TRPS1: variants seen among roughly 807,000 people sequenced by gnomAD.
The protein encoded by TRPS1 is transcriptional repressor GATA binding 1.
TRPS1 carries 6 observed loss-of-function variants against 101.2 expected under a neutral mutation model. The ratio of observed to expected loss-of-function variants is 0.06; its 90% CI spans 0.03 to 0.12. The LOEUF is 0.12. TRPS1 is among the 10% of genes least tolerant of loss of function. The pLI, the probability that TRPS1 is intolerant of heterozygous loss-of-function variation, is 1.00. For synonymous variants in TRPS1, 578 were observed against 589.8 expected (o/e 0.98, Z 0.29); for missense variants, 1,363 against 1,567.0 (o/e 0.87, Z 2.20).
chr8:115,460,515 G>T (rs899934740), intron 5 of TRPS1, among the ~76,000 whole-genome samples: 49 of 151,738 alleles, frequency 3.2e-4, no homozygotes, highest in Non-Finnish European at 6.6e-4. Flanking sequence ...TTTATTTTCA[G>T]ATAATAAATG....
At position 115,619,232 on chromosome 8, in the gene TRPS1, G is replaced by T; in HGVS notation, c.866C>A (p.Ser289Tyr). Reference protein sequence around the residue: ...ALHNMVQFSHSKDFQKVNRSV... With the variant: ...ALHNMVQFSHYKDFQKVNRSV... ...ACGGTTGACCTTCTGGAAGTCTTTG[G>T]AATGGCTGAACTGCACCATGTTATG... The change falls in exon 3 of 7, where the codon TCC becomes TAC. Residue 289 changes from serine to tyrosine, a missense_variant. Ser to Tyr is a moderately radical substitution (Grantham distance 144). This residue lies in a region of TRPS1 where 1,020 missense variants were observed against 1,073.0 expected (regional missense o/e 0.95). Transcript: ENST00000395715. 1 of 1,614,120 alleles carries T rather than the reference G, an allele frequency of 6.2e-7. No individual in the cohort carries two copies. Among genetic ancestry groups the T allele is most frequent in the South Asian group, 1.1e-5 (1 of 91,074 alleles).
At chr8:115,467,245 G>A (rs1814345451) in intron 5 of TRPS1, among the ~76,000 whole-genome samples, 1 of 152,018 alleles carries the variant, frequency 6.6e-6, no homozygotes, top group African/African-American at 2.4e-5. Context: ...AAGTGGCAGT[G>A]TCCTTTTCCT....
At chr8:115,535,395 C>A (rs1480342106) in intron 5 of TRPS1, among the ~76,000 whole-genome samples, 4 of 144,698 alleles carry the variant, frequency 2.8e-5, no homozygotes, top group East Asian at 4.1e-4. Flanking sequence ...ACATATATAG[C>A]GCATATATAT....
chr8:115,663,771 G>A (rs1307821908), intron 1 of TRPS1, among the ~76,000 whole-genome samples: 3 of 146,864 alleles, frequency 2.0e-5, no homozygotes, highest in African/African-American at 7.6e-5. Context: ...AGACCGCTAC[G>A]ATAATAGCTG....
intron 3 of TRPS1, among the ~76,000 whole-genome samples, chr8:115,613,927 G>C (rs1398202788): frequency 6.6e-6 from 1 of 152,132 alleles, no homozygotes. Context: ...AATTAAACAA[G>C]GGTTTGTATG....
intron 5 of TRPS1, among the ~76,000 whole-genome samples, chr8:115,553,663 C>CAT (rs1386244971): frequency 6.6e-6 from 1 of 152,132 alleles, no homozygotes; most frequent in East Asian, 1.9e-4. Flanking sequence ...GTCACCACAA[C>CAT]ATATATAAGC....
intron 5 of TRPS1, among the ~76,000 whole-genome samples, chr8:115,545,928 T>C (rs1281496431): frequency 2.0e-5 from 3 of 152,148 alleles, no homozygotes; most frequent in Admixed American, 1.3e-4. Flanking sequence ...TTATCTAAGA[T>C]ATCACAGAGT....
chr8:115,414,631 A>G lies in TRPS1; in HGVS notation c.3277T>C (p.Tyr1093His). The change falls in exon 7 of 7, where the codon TAT becomes CAT. Residue 1093 changes from tyrosine to histidine, a missense_variant. Tyr to His is a moderately conservative substitution (Grantham distance 83). This residue lies in a region of TRPS1 where 307 missense variants were observed against 392.4 expected (regional missense o/e 0.78). Transcript: ENST00000395715. This position sits in a 1 kb window ranked among gnomAD's most constrained non-coding sequence, Gnocchi z 4.8. ...KYMRPAKHPN[Y>H]SPPGSPIEKY... ...TCAATAGGGCTGCCTGGTGGTGAAT[A>G]ATTTGGGTGTTTCGCAGGTCTCATG... is the stretch of plus-strand genomic sequence containing the variant. 1 of 1,613,988 alleles carries G rather than the reference A, an allele frequency of 6.2e-7. No homozygotes were observed. Among genetic ancestry groups the G allele is most frequent in the South Asian group, 1.1e-5 (1 of 91,078 alleles).
chr8:115,434,922 C>T (rs1041467326), intron 5 of TRPS1, among the ~76,000 whole-genome samples: 5 of 152,294 alleles, frequency 3.3e-5, no homozygotes, highest in Admixed American at 2.6e-4. Context: ...AACTCTGCCT[C>T]CTCTTCTCTC....
At chr8:115,483,185 T>C (rs1295902402) in intron 5 of TRPS1, among the ~76,000 whole-genome samples, 1 of 152,180 alleles carries the variant, frequency 6.6e-6, no homozygotes, top group East Asian at 1.9e-4. Context: ...ACTATACTTA[T>C]TGGTGATTAG....
chr8:115,599,196 G>A (rs1586443156), intron 4 of TRPS1, among the ~76,000 whole-genome samples: 1 of 151,934 alleles, frequency 6.6e-6, no homozygotes, highest in Admixed American at 6.6e-5. Context: ...TCTGTCTAAT[G>A]CCTCATTTTG....
At chr8:115,431,157 G>C (rs1169029200) in intron 5 of TRPS1, among the ~76,000 whole-genome samples, 1 of 151,952 alleles carries the variant, frequency 6.6e-6, no homozygotes, top group Non-Finnish European at 1.5e-5. Flanking sequence ...TGTCATGTTT[G>C]ACATATATGA....
At chr8:115,646,301 T>G (rs1368835681) in intron 1 of TRPS1, among the ~76,000 whole-genome samples, 1 of 152,194 alleles carries the variant, frequency 6.6e-6, no homozygotes, top group Non-Finnish European at 1.5e-5. Flanking sequence ...ACTTTAAGAC[T>G]GGTTTTATTC....
At chr8:115,535,324 G>GCATATACAT (rs1816279812) in intron 5 of TRPS1, among the ~76,000 whole-genome samples, 1 of 40,188 alleles carries the variant, frequency 2.5e-5, no homozygotes, top group African/African-American at 2.2e-4. Context: ...AGCATATATA[G>GCATATACAT]AGCATATATA....
intron 5 of TRPS1, among the ~76,000 whole-genome samples, chr8:115,576,390 A>T (rs1817320901): frequency 6.6e-6 from 1 of 152,072 alleles, no homozygotes; most frequent in African/African-American, 2.4e-5. Flanking sequence ...TCGGGTATCA[A>T]TTCATAGATC....
intron 5 of TRPS1, among the ~76,000 whole-genome samples, chr8:115,535,645 A>C (rs971173147): frequency 6.6e-6 from 1 of 150,862 alleles, no homozygotes; most frequent in Non-Finnish European, 1.5e-5. Context: ...GCAGATCACG[A>C]GGTCAGGAGA....
chr8:115,461,187 C>T (rs1345475136), intron 5 of TRPS1, among the ~76,000 whole-genome samples: 1 of 151,994 alleles, frequency 6.6e-6, no homozygotes, highest in African/African-American at 2.4e-5. Context: ...GTACCAGGCA[C>T]TGTGCTAACT....
Position 115,408,642 on chromosome 8 carries a change from C to A in TRPS1, c.*5381G>T, listed in dbSNP as rs1410584353. On this transcript the variant is annotated 3_prime_UTR_variant, in exon 7 of 7. Coordinates refer to ENST00000395715, the MANE Select transcript of TRPS1 (RefSeq NM_014112.5). The stretch of plus-strand genomic sequence containing the variant: ...ACTATGAAAACAAAATAAAATAAAA[C>A]GAAAAAATTTCATGTGTTGTAAGAA... 1 of 150,818 alleles carries A rather than the reference C, an allele frequency of 6.6e-6. No individual in the cohort carries two copies. The highest frequency in any genetic ancestry group is 2.0e-4 in the East Asian group (1 of 5,060). 9.3% of individuals were successfully genotyped at this position (150,818 alleles called of 1,614,324 possible).
At chr8:115,525,223 G>A (rs1379775296) in intron 5 of TRPS1, among the ~76,000 whole-genome samples, 1 of 152,058 alleles carries the variant, frequency 6.6e-6, no homozygotes, top group East Asian at 1.9e-4. Context: ...GGATTGTATA[G>A]TAAAATTTCT....
Sources: gnomAD v4.1 joint callset for allele counts (sites outside exome capture counted in the v4.1 genomes callset) on GRCh38, gnomAD v4.1.1 for gene constraint, gnomAD v4.1.1 regional missense constraint, Gnocchi (gnomAD v3.1) non-coding constraint, MANE v1.5 for transcripts, NCBI Gene and HGNC (gene_info 2026-07-23, HGNC 2026-07-21) for gene names.